Variants in ZFHX3 observed in about 807,000 individuals in gnomAD.
ZFHX3 encodes zinc finger homeobox 3.
In ZFHX3, 42 loss-of-function variants were observed where a neutral mutation model predicts 279.1. That is an observed-to-expected ratio of 0.15 (90% CI 0.12 to 0.19). The LOEUF (loss-of-function observed/expected upper bound fraction) is 0.19, where lower values mean the gene tolerates loss of function less well. Among genes scored for constraint, ZFHX3 ranks in the 10% least tolerant of loss-of-function variants. The pLI is 1.00. For synonymous variants in ZFHX3, 2,293 were observed against 1,957.8 expected, an observed-to-expected ratio of 1.17 and a Z score of -4.52; for missense variants, 4,981 against 4,754.0, an observed-to-expected ratio of 1.05 and a Z score of -1.40.
intron 5 of ZFHX3, among the ~76,000 whole-genome samples, chr16:73,149,541 A>G (rs4318234): frequency 0.5 from 75,932 of 151,854 alleles, 19,548 homozygotes; most frequent in Middle Eastern, 0.67. Flanking sequence ...CCAGCTGCAC[A>G]TCTAGTCCTC....
chr16:73,371,239 G>A (rs977085252), intron 3 of ZFHX3, among the ~76,000 whole-genome samples: 10 of 151,584 alleles, frequency 6.6e-5, no homozygotes, highest in Non-Finnish European at 1.0e-4. Flanking sequence ...CCCAGGAGGC[G>A]GAGGTTGCAG....
At chr16:73,041,783 G>A (rs1047564590) in intron 1 of ZFHX3, among the ~76,000 whole-genome samples, 2 of 152,144 alleles carry the variant, frequency 1.3e-5, no homozygotes, top group African/African-American at 4.8e-5. Flanking sequence ...GCTGTTAAAA[G>A]GGAAGCAGAA....
chr16:73,064,964 G>A (rs951261249), intron 8 of ZFHX3, among the ~76,000 whole-genome samples: 3 of 152,240 alleles, frequency 2.0e-5, no homozygotes, highest in Non-Finnish European at 2.9e-5. Flanking sequence ...GAAGAAGAGA[G>A]AGAACTAACT....
intron 1 of ZFHX3, among the ~76,000 whole-genome samples, chr16:73,849,213 T>A (rs925305665): frequency 2.0e-5 from 3 of 152,234 alleles, no homozygotes; most frequent in Admixed American, 6.5e-5. Flanking sequence ...GTGTGTGACG[T>A]CAATTCACAT....
chr16:73,696,688 T>A (rs112947034), intron 1 of ZFHX3, among the ~76,000 whole-genome samples: 7 of 152,324 alleles, frequency 4.6e-5, no homozygotes, highest in African/African-American at 1.7e-4. Context: ...AGCAGATTTG[T>A]GACCCTGGTA....
intron 5 of ZFHX3, among the ~76,000 whole-genome samples, chr16:73,235,566 G>T (rs953288214): frequency 1.3e-5 from 2 of 152,168 alleles, no homozygotes; most frequent in South Asian, 2.1e-4. Context: ...AGAGGCACTC[G>T]GCTCTGGTCA....
chr16:73,712,191 T>C (rs535579712), intron 1 of ZFHX3, among the ~76,000 whole-genome samples: 1 of 151,618 alleles, frequency 6.6e-6, no homozygotes, highest in African/African-American at 2.4e-5. Context: ...GTTTGTGAGG[T>C]TGAGCTTGTG....
rs1055168578 is a variant in ZFHX3, at chr16:72,784,909, G to A, written c.*2255C>T. The A allele has an allele frequency of 1.3e-5, 2 of 152,162 alleles. No individual in the cohort carries two copies. Among genetic ancestry groups the A allele is most frequent in the East Asian group, 1.9e-4 (1 of 5,200 alleles). 9.4% of individuals were successfully genotyped at this position (152,162 alleles called of 1,614,324 possible). The stretch of plus-strand genomic sequence containing the variant: ...AAATTCATAAAAATAAAATAGTCCC[G>A]GCTAAAAAAGAAAAAAAGAAAAAAA... On this transcript the variant is annotated 3_prime_UTR_variant, in exon 10 of 10. Transcript: ENST00000268489.
intron 2 of ZFHX3, among the ~76,000 whole-genome samples, chr16:73,579,130 C>T (rs1164055564): frequency 6.6e-6 from 1 of 152,198 alleles, no homozygotes; most frequent in Non-Finnish European, 1.5e-5. Flanking sequence ...AACCTCTTCT[C>T]GTAACCCAGA....
intron 1 of ZFHX3, among the ~76,000 whole-genome samples, chr16:73,019,967 C>T (rs962979052): frequency 1.3e-5 from 2 of 152,164 alleles, no homozygotes; most frequent in African/African-American, 2.4e-5. Flanking sequence ...GCCCTTTAAC[C>T]TCCTGCAAGC....
intron 3 of ZFHX3, among the ~76,000 whole-genome samples, chr16:72,933,434 A>G (rs545505701): frequency 6.6e-6 from 1 of 152,096 alleles, no homozygotes; most frequent in Admixed American, 6.6e-5. Flanking sequence ...TTAGTATTTT[A>G]CCCTCACATT....
intron 2 of ZFHX3, among the ~76,000 whole-genome samples, chr16:73,559,113 T>C (rs1423986446): frequency 5.3e-5 from 8 of 152,060 alleles, no homozygotes; most frequent in African/African-American, 1.9e-4. Flanking sequence ...AGTGGTGCTA[T>C]CACGGCTCAC....
At chr16:73,563,742 A>G (rs1381004088) in intron 2 of ZFHX3, among the ~76,000 whole-genome samples, 1 of 152,176 alleles carries the variant, frequency 6.6e-6, no homozygotes, top group Non-Finnish European at 1.5e-5. Flanking sequence ...ACCACCTGGA[A>G]CAGGTTATGC....
chr16:73,323,631 G>A (rs919181310), intron 3 of ZFHX3, among the ~76,000 whole-genome samples: 26 of 152,186 alleles, frequency 1.7e-4, no homozygotes, highest in African/African-American at 5.8e-4. Context: ...AGAATTTGCC[G>A]GGTTAAAAGA....
At chr16:72,888,395 C>T in intron 4 of ZFHX3, among the ~76,000 whole-genome samples, 1 of 152,002 alleles carries the variant, frequency 6.6e-6, no homozygotes, top group African/African-American at 2.4e-5. Context: ...AGCCAGGTGC[C>T]CAAGAGGTGG....
intron 4 of ZFHX3, chr16:73,293,986 C>CAAAAAAAAAAA (rs56783722): frequency 9.6e-5 from 4 of 41,750 alleles, no homozygotes; most frequent in African/African-American, 1.7e-4. Flanking sequence ...GTCAATATGC[C>CAAAAAAAAAAA]AAAAAAAAAA....
chr16:73,636,634 A>C (rs1462311910), intron 2 of ZFHX3, among the ~76,000 whole-genome samples: 7 of 152,234 alleles, frequency 4.6e-5, no homozygotes, highest in Non-Finnish European at 8.8e-5. Flanking sequence ...GTTCAAAAAA[A>C]AATCTCATTC....
rs1319801693 is a variant in ZFHX3 at position 72,957,876 on chromosome 16, A to T, written c.2270T>A (p.Leu757Gln). The T allele has an allele frequency of 6.2e-7, 1 of 1,613,864 alleles. No individual in the cohort carries two copies. Among genetic ancestry groups the T allele is most frequent in the Non-Finnish European group, 8.5e-7 (1 of 1,180,022 alleles). The change falls in exon 2 of 10, where the codon CTG becomes CAG. Residue 757 changes from leucine to glutamine, a missense_variant. Transcript: ENST00000268489. ...GACCTGCTCCCCCCCTCCATTCTGC[A>T]GGTTCTGCATGTTGTTGAGATGCTT... ...SDKHLNNMQNLQNGGGEQVFS... is the reference protein window; with the variant it reads ...SDKHLNNMQNQQNGGGEQVFS...
intron 1 of ZFHX3, among the ~76,000 whole-genome samples, chr16:73,831,542 G>A (rs544194061): frequency 6.6e-6 from 1 of 152,336 alleles, no homozygotes; most frequent in African/African-American, 2.4e-5. Flanking sequence ...TCACGGGAAT[G>A]GCTTTCTTAG....
Sources: gnomAD v4.1 joint callset for allele counts (sites outside exome capture counted in the v4.1 genomes callset) on GRCh38, gnomAD v4.1.1 for gene constraint, MANE v1.5 for transcripts, NCBI Gene and HGNC (gene_info 2026-07-23, HGNC 2026-07-21) for gene names.